The following SBSN variants were observed in gnomAD, a reference collection of about 807,000 sequenced individuals.
SBSN encodes HLAR698.
A neutral mutation model predicts 42.8 loss-of-function variants in SBSN; 33 were observed. The observed-to-expected ratio is 0.77, with a 90% CI of 0.58 to 1.03. The LOEUF (loss-of-function observed/expected upper bound fraction) is 1.03, where lower values mean the gene tolerates loss of function less well. Ranked by LOEUF, SBSN falls within the 50% of genes least tolerant of loss-of-function variation. The pLI is 0.00. For synonymous variants in SBSN, 276 were observed against 307.0 expected (o/e 0.90, Z 1.06); for missense variants, 646 against 757.3 (o/e 0.85, Z 1.72).
In SBSN at chr19:35,527,227, T is replaced by A. The variant is rs1449318621; in HGVS notation, c.1055A>T (p.Gln352Leu). ...CTGACTGGCAGCATGGTGGACCCCC[T>A]GGCCAAACTTCTCTGTCTCCTTCCA... ...EGWKETEKFG[Q>L]GVHHAASQFG... is the part of the protein sequence containing the mutation. Residue 352 changes from glutamine to leucine, a missense_variant, in exon 1 of 4, where the codon CAG becomes CTG. Physicochemically the swap from Gln to Leu is moderately radical, Grantham distance 113. This residue lies in a region of SBSN where 220 missense variants were observed against 334.5 expected (regional missense o/e 0.66). Transcript: ENST00000452271. 5 of 1,536,786 alleles carry A rather than the reference T, an allele frequency of 3.3e-6. No homozygotes were observed. Among genetic ancestry groups the A allele is most frequent in the Non-Finnish European group, 3.5e-6 (4 of 1,146,760 alleles).
At position 35,528,099 on chromosome 19, in the gene SBSN, G is replaced by C. The variant is rs780274742; in HGVS notation, c.183C>G (p.Ala61=). The stretch of plus-strand genomic sequence containing the variant: ...TGAAAACCTTCTCCACTTCCCTTCC[G>C]GCATGCGTGATTCCACTGTTGATGC... The part of the protein sequence containing the change: ...LDGINSGITH[A]GREVEKVFNG... Residue 61 remains alanine (A), a synonymous_variant, in exon 1 of 4, where the codon GCC becomes GCG. Transcript: ENST00000452271. The C allele has an allele frequency of 1.1e-5, 17 of 1,613,728 alleles. No homozygotes were observed. The African/African-American group carries it at 2.0e-4, about 19-fold the overall frequency.
At position 35,523,434 on chromosome 19, in the gene SBSN, A is replaced by C; in HGVS notation, c.*76T>G. ...CAGGGATTTCAGAAACCTGTCCCCC[A>C]CCCCCAACCCCTCCAGGTCATGTCA... is the stretch of plus-strand genomic sequence containing the variant. On this transcript the variant is annotated 3_prime_UTR_variant, in exon 4 of 4. Transcript: ENST00000452271. 1 of 1,444,118 alleles carries C rather than the reference A, an allele frequency of 6.9e-7. No individual in the cohort carries two copies. The highest frequency in any genetic ancestry group is 1.7e-5 in the Admixed American group (1 of 59,662). 89.5% of individuals were successfully genotyped at this position (1,444,118 alleles called of 1,614,324 possible). A position where few individuals can be genotyped will look rare whatever the true frequency, so the allele number is the denominator to read the frequency against.
Position 35,528,034 on chromosome 19 carries a change from A to G in SBSN, c.248T>C (p.Leu83Ser). The change falls in exon 1 of 4, where the codon TTG becomes TCG. Residue 83 changes from leucine to serine, a missense_variant. Physicochemically the swap from Leu to Ser is moderately radical, Grantham distance 145. Around this residue, in one of 3 missense-constraint regions of SBSN, gnomAD observed 190 missense variants for 197.1 expected, o/e 0.96. Transcript: ENST00000452271. ...GTTGAGCCCCTGGACGCCTTTGTCCAACTCCTTGCCGGTGTGGCTCCCCAT... is the reference window on the plus strand; with the variant it reads ...GTTGAGCCCCTGGACGCCTTTGTCCGACTCCTTGCCGGTGTGGCTCCCCAT... ...SNMGSHTGKE[L>S]DKGVQGLNHG... 1 of 1,613,844 alleles carries G rather than the reference A, an allele frequency of 6.2e-7. No homozygotes were observed. Among genetic ancestry groups the G allele is most frequent in the Non-Finnish European group, 8.5e-7 (1 of 1,180,028 alleles).
chr19:35,525,254 A>G (rs980433050), intron 1 of SBSN, among the ~76,000 whole-genome samples: 2 of 151,882 alleles, frequency 1.3e-5, no homozygotes, highest in Non-Finnish European at 2.9e-5. Context: ...CCTGACCTCA[A>G]ATCTACCCTT....
chr19:35,527,687 C>T lies in SBSN; in HGVS notation c.595G>A (p.Ala199Thr). The T allele has an allele frequency of 6.6e-7, 1 of 1,515,288 alleles. No homozygotes were observed. The highest frequency in any genetic ancestry group is 8.8e-7 in the Non-Finnish European group (1 of 1,133,892). 93.9% of individuals were successfully genotyped at this position (1,515,288 alleles called of 1,614,324 possible). Residue 199 changes from alanine to threonine, a missense_variant, in exon 1 of 4, where the codon GCC (alanine) becomes ACC (threonine). Physicochemically the swap from Ala to Thr is moderately conservative, Grantham distance 58. Around this residue, in one of 3 missense-constraint regions of SBSN, gnomAD observed 220 missense variants for 334.5 expected, o/e 0.66. Coordinates refer to ENST00000452271, the MANE Select transcript of SBSN (RefSeq NM_001166034.2). ...GQGVHHAAGQ[A>T]GNEAGRFGQG... ...CCAAATCTCCCAGCCTCATTTCCGG[C>T]CTGCCCTGCAGCATGGTGGACTCCC...
At chr19:35,525,785 G>C (rs764798245) in intron 1 of SBSN, among the ~76,000 whole-genome samples, 1 of 152,042 alleles carries the variant, frequency 6.6e-6, no homozygotes, top group South Asian at 2.1e-4. Context: ...CGGGTTCAAG[G>C]GATTCTCCTG....
Position 35,523,370 on chromosome 19 carries a change from T to C in SBSN, c.*140A>G, listed in dbSNP as rs1416692898. On this transcript the variant is annotated 3_prime_UTR_variant, in exon 4 of 4. Transcript: ENST00000452271. ...AGGGGACCACAATGAGACAGCATAG[T>C]GTATCAAGTTTATTCACAAATCCCA... 1 of 827,734 alleles carries C rather than the reference T, an allele frequency of 1.2e-6. No homozygotes were observed. The highest frequency in any genetic ancestry group is 2.0e-6 in the Non-Finnish European group (1 of 491,650). The allele number at this position is 827,734 out of a possible 1,614,324, so 51.3% of individuals were successfully genotyped here.
Position 35,528,235 on chromosome 19 carries a change from A to C in SBSN, c.47T>G (p.Leu16Arg). Residue 16 changes from leucine (L) to arginine (R), a missense_variant, in exon 1 of 4, where the codon CTG (leucine) becomes CGG (arginine). By Grantham distance (102) the Leu-to-Arg change is moderately radical (BLOSUM62 -2). Transcript: ENST00000452271. The stretch of plus-strand genomic sequence containing the variant: ...GGCCGCCCATCCAGACAGGGCCCCC[A>C]GTAGCAGAAGGAGGGAGCAGGAGCC... ...LVGSCSLLLL[L>R]GALSGWAASD... 1 of 1,613,722 alleles carries C rather than the reference A, an allele frequency of 6.2e-7. No homozygotes were observed. Among genetic ancestry groups the C allele is most frequent in the Non-Finnish European group, 8.5e-7 (1 of 1,179,978 alleles).
rs1381947536 is a variant in SBSN, at chr19:35,527,525, C to A, written c.757G>T (p.Ala253Ser). ...CCAAATCTCCCTGCCTCATTTCCGG[C>A]CTGCCCCGCAGCATGGTGGGCCCCC... ...GQGAHHAAGQ[A>S]GNEAGRFGQG... Residue 253 changes from alanine (A) to serine (S), a missense_variant, in exon 1 of 4, where the codon GCC becomes TCC. Ala to Ser is a moderately conservative substitution (Grantham distance 99). This residue lies in a region of SBSN where 220 missense variants were observed against 334.5 expected (regional missense o/e 0.66). Transcript: ENST00000452271. 6.5e-7 allele frequency: 1 copy of A among 1,527,736 alleles called. No individual in the cohort carries two copies. The highest frequency in any genetic ancestry group is 2.6e-5 in the East Asian group (1 of 39,202). 94.6% of individuals were successfully genotyped at this position (1,527,736 alleles called of 1,614,324 possible). A position where few individuals can be genotyped will look rare whatever the true frequency, so the allele number is the denominator to read the frequency against.
intron 1 of SBSN, 49 bp downstream of exon 1, chr19:35,526,595 C>CCCCCCCCCCA: frequency 1.7e-6 from 1 of 582,918 alleles, no homozygotes; most frequent in South Asian, 1.9e-5. Context: ...TTTAACCTTT[C>CCCCCCCCCCA]CCTCCCCCAA....
At chr19:35,526,515 T>G in intron 1 of SBSN, 129 bp downstream of exon 1, 3 of 867,806 alleles carry the variant, frequency 3.5e-6, no homozygotes, top group Non-Finnish European at 5.2e-6. Context: ...CCCAGTGATA[T>G]AGCTGCCCAA....
Position 35,528,181 on chromosome 19 carries a change from T to C in SBSN, c.101A>G (p.Glu34Gly). Reference protein sequence around the residue: ...ASDDPIEKVIEGINRGLSNAE... With the variant: ...ASDDPIEKVIGGINRGLSNAE... ...ATTGCTCAGCCCTCGGTTGATCCCT[T>C]CAATGACCTTCTCAATGGGGTCATC... The change falls in exon 1 of 4, where the codon GAA (glutamate) becomes GGA (glycine). Residue 34 changes from glutamate to glycine, a missense_variant. Around this residue, in one of 3 missense-constraint regions of SBSN, gnomAD observed 190 missense variants for 197.1 expected, o/e 0.96. Transcript: ENST00000452271. The C allele has an allele frequency of 1.2e-6, 2 of 1,614,016 alleles. No individual in the cohort carries two copies. Among genetic ancestry groups the C allele is most frequent in the African/African-American group, 2.7e-5 (2 of 74,986 alleles).
Position 35,524,791 on chromosome 19 carries a change from T to G in SBSN, c.1705-36A>C, listed in dbSNP as rs1199861046. On this transcript the variant is annotated intron_variant, in intron 2 of 3. Transcript: ENST00000452271. ...AGGACAAGAAGGTCAGTCTCCAGCG[T>G]CTGACCCACAGCCATGCTAGGGAAC... 1.9e-6 allele frequency: 3 copies of G among 1,613,546 alleles called. No individual in the cohort carries two copies. In the African/African-American group the frequency reaches 4.0e-5, roughly 22 times the overall value.
At chr19:35,525,044 T>A in intron 1 of SBSN, 120 bp from the exon 2 acceptor site, 1 of 992,436 alleles carries the variant, frequency 1.0e-6, no homozygotes, top group Non-Finnish European at 1.5e-6. Context: ...AGGCACAGCT[T>A]AACCCACTGC....
rs528122328 is a variant in SBSN, at chr19:35,525,135, C to T, written c.1639-211G>A. Among the ~76,000 whole-genome samples the T allele has an allele frequency of 4.6e-5, 7 of 152,296 alleles. No homozygotes were observed. The South Asian group carries it at 1.0e-3, about 23-fold the overall frequency. On this transcript the variant is annotated intron_variant, in intron 1 of 3. Transcript: ENST00000452271. ...CCTGCTGCCTTTTCCTCCCCAAAGC[C>T]CCTTTTAATTTCCTTAATGAAGTGC...
At chr19:35,523,654 T>G (rs2071336802) in intron 3 of SBSN, 121 bp from the exon 4 acceptor site, 5 of 987,338 alleles carry the variant, frequency 5.1e-6, no homozygotes, top group Non-Finnish European at 8.1e-6. Flanking sequence ...CCCGGAGTTA[T>G]GTTCTGGGGA....
intron 3 of SBSN, 101 bp downstream of exon 3, chr19:35,524,610 C>T: frequency 7.7e-7 from 1 of 1,295,336 alleles, no homozygotes; most frequent in Non-Finnish European, 1.1e-6. Context: ...GGCTGCAGGT[C>T]TGCCCGCCCG....
chr19:35,526,541 CA>C, intron 1 of SBSN, 102 bp downstream of exon 1: 1 of 1,097,462 alleles, frequency 9.1e-7, no homozygotes, highest in East Asian at 2.5e-5. Flanking sequence ...TTTCACCAAA[CA>C]AAGGCTACGC....
intron 1 of SBSN, among the ~76,000 whole-genome samples, chr19:35,525,683 TTTA>T (rs1368002081): frequency 6.6e-6 from 1 of 151,966 alleles, no homozygotes; most frequent in Admixed American, 6.6e-5. Context: ...CATATTTTAT[TTTA>T]TTATTATTTT....
Sources: allele counts gnomAD v4.1 joint callset (sites outside exome capture counted in the v4.1 genomes callset), GRCh38; gene constraint gnomAD v4.1.1; regional missense constraint gnomAD v4.1.1; transcripts MANE v1.5; gene names NCBI Gene and HGNC (gene_info 2026-07-23, HGNC 2026-07-21).